Variants in RIPK1 observed in about 807,000 individuals in gnomAD.
The protein encoded by RIPK1 is receptor-interacting serine/threonine-protein kinase 1.
Under a neutral mutation model 62.4 loss-of-function variants are expected in RIPK1, and 27 were observed. That is an observed-to-expected ratio of 0.43 (90% confidence interval 0.32 to 0.60). RIPK1 has a LOEUF of 0.60. Among genes scored for constraint, RIPK1 ranks in the 20% least tolerant of loss-of-function variants. The pLI is 0.07. For synonymous variants in RIPK1, 287 were observed against 303.2 expected (o/e 0.95, Z 0.55); for missense variants, 735 against 831.0 (o/e 0.88, Z 1.42).
At chr6:3,094,102 A>G (rs546993121) in intron 7 of RIPK1, among the ~76,000 whole-genome samples, 1 of 138,950 alleles carries the variant, frequency 7.2e-6, no homozygotes, top group South Asian at 2.2e-4. Flanking sequence ...GCACCTAGTA[A>G]CTGCAGAGTA....
intron 5 of RIPK1, among the ~76,000 whole-genome samples, chr6:3,084,900 C>T (rs563865948): frequency 3.2e-4 from 49 of 152,224 alleles, no homozygotes; most frequent in African/African-American, 1.1e-3. Flanking sequence ...CCTCAGCCTT[C>T]TTGAATAGCA....
In RIPK1 at chr6:3,105,448, G is replaced by A; in HGVS notation, c.1007-34G>A. The A allele has an allele frequency of 7.0e-7, 1 of 1,437,794 alleles. No individual in the cohort carries two copies. 89.1% of individuals were successfully genotyped at this position (1,437,794 alleles called of 1,614,324 possible). The stretch of plus-strand genomic sequence containing the variant: ...TTTATTTTACTTTTTAATGTTTCAT[G>A]ACACCCATTCTAATGTTGATCATTT... On this transcript the variant is annotated intron_variant, in intron 8 of 10. Transcript: ENST00000259808. This position sits in a 1 kb window ranked among gnomAD's most constrained non-coding sequence, Gnocchi z 4.5.
rs993567545 is a variant in RIPK1, at chr6:3,105,678, G to C, written c.1203G>C (p.Gln401His). The part of the protein sequence containing the change: ...MDRQTKQQPR[Q>H]NVAYNREEER... ...GGCAGACGAAACAGCAGCCCAGACAGAATGTGGCTTACAACAGAGAGGAGG... is the reference window on the plus strand; with the variant it reads ...GGCAGACGAAACAGCAGCCCAGACACAATGTGGCTTACAACAGAGAGGAGG... The change falls in exon 9 of 11, where the codon CAG becomes CAC. Residue 401 changes from glutamine to histidine, a missense_variant. Physicochemically the swap from Gln to His is conservative, Grantham distance 24 (BLOSUM62 0). Around this residue, in one of 2 missense-constraint regions of RIPK1, gnomAD observed 671 missense variants for 726.2 expected, o/e 0.92. Coordinates refer to ENST00000259808, the MANE Select transcript of RIPK1 (RefSeq NM_001354930.2). This position sits in a 1 kb window ranked among gnomAD's most constrained non-coding sequence, Gnocchi z 4.5. 2 of 1,613,998 alleles carry C rather than the reference G, an allele frequency of 1.2e-6. No individual in the cohort carries two copies. Among genetic ancestry groups the C allele is most frequent in the African/African-American group, 1.3e-5 (1 of 74,938 alleles).
rs150423241 is a variant in RIPK1 at position 3,100,591 on chromosome 6, G to A, written c.916-3634G>A. ...TTCTGCATTGTTTGAATCTTTGGGG[G>A]TTTTTTTGGTTTTCTTTTTGAGACG... On this transcript the variant is annotated intron_variant, in intron 7 of 10. Transcript: ENST00000259808. 3.9e-5 allele frequency among the ~76,000 whole-genome samples: 6 copies of A among 151,916 alleles called. No individual in the cohort carries two copies. The East Asian group carries it at 1.2e-3, about 29-fold the overall frequency.
upstream of RIPK1, among the ~76,000 whole-genome samples, chr6:3,064,548 TCTGCAGAGCCAGGCTCAGCGCTCGC>T (rs1288080333): frequency 1.3e-5 from 2 of 152,124 alleles, no homozygotes; most frequent in Non-Finnish European, 2.9e-5. Context: ...GGACTGAGAA[TCTGCAGAGCCAGGCTCAGCGCTCGC>T]CTGCAGAGCC....
intron 3 of RIPK1, among the ~76,000 whole-genome samples, chr6:3,078,922 T>C (rs56332947): frequency 2.0e-5 from 3 of 151,674 alleles, no homozygotes; most frequent in African/African-American, 7.3e-5. Context: ...TTTTTTTTTC[T>C]TTTGTAAGAG....
chr6:3,082,389 G>A (rs1759440466), intron 4 of RIPK1, among the ~76,000 whole-genome samples: 1 of 152,300 alleles, frequency 6.6e-6, no homozygotes, highest in South Asian at 2.1e-4. Flanking sequence ...TGGATTCCTG[G>A]AGGCAGAAGT....
upstream of RIPK1, among the ~76,000 whole-genome samples, chr6:3,067,470 T>G (rs1758433423): frequency 6.6e-6 from 1 of 152,230 alleles, no homozygotes. Flanking sequence ...TTTTTTAAAT[T>G]GCAATTCTTT....
chr6:3,076,843 T>G lies in RIPK1; in HGVS notation c.20T>G (p.Leu7Trp), dbSNP rs2113575083. 6.2e-7 allele frequency: 1 copy of G among 1,613,316 alleles called. No homozygotes were observed. Among genetic ancestry groups the G allele is most frequent in the Non-Finnish European group, 8.5e-7 (1 of 1,179,792 alleles). The change falls in exon 2 of 11, where the codon TTG becomes TGG. Residue 7 changes from leucine to tryptophan, a missense_variant. Leu to Trp is a moderately conservative substitution (Grantham distance 61, BLOSUM62 -2). Around this residue, in one of 2 missense-constraint regions of RIPK1, gnomAD observed 671 missense variants for 726.2 expected, o/e 0.92. Transcript: ENST00000259808. MQPDMS[L>W]NVIKMKSSDF... ...TTCAGAATGCAACCAGACATGTCCT[T>G]GAATGTCATTAAGATGAAATCCAGT...
At chr6:3,109,158 C>T (rs1761026517) in intron 9 of RIPK1, among the ~76,000 whole-genome samples, 1 of 152,088 alleles carries the variant, frequency 6.6e-6, no homozygotes, top group African/African-American at 2.4e-5. Context: ...TGGTCGCTGC[C>T]CTTGGGACTC....
chr6:3,073,243 A>G (rs895724896), intron 1 of RIPK1, among the ~76,000 whole-genome samples: 1 of 124,952 alleles, frequency 8.0e-6, no homozygotes, highest in Non-Finnish European at 1.7e-5. Flanking sequence ...ACATTTTTAT[A>G]TCATATATTA....
chr6:3,075,194 G>T (rs1481540654), intron 1 of RIPK1, among the ~76,000 whole-genome samples: 4 of 152,188 alleles, frequency 2.6e-5, no homozygotes, highest in Admixed American at 1.3e-4. Context: ...GAGAGGTCTG[G>T]TTGCTTCACA....
intron 9 of RIPK1, among the ~76,000 whole-genome samples, chr6:3,108,011 T>C (rs1311064707): frequency 1.3e-5 from 2 of 151,710 alleles, no homozygotes; most frequent in Non-Finnish European, 2.9e-5. Flanking sequence ...ATAAGTCTTC[T>C]GCTTGCTTTT....
chr6:3,109,643 T>A (rs1761050979), intron 9 of RIPK1, among the ~76,000 whole-genome samples: 1 of 152,196 alleles, frequency 6.6e-6, no homozygotes, highest in Non-Finnish European at 1.5e-5. Flanking sequence ...ATGGTAAAAT[T>A]CAAAAACATA....
chr6:3,105,407 A>C lies in RIPK1; in HGVS notation c.1007-75A>C. 8.5e-7 allele frequency: 1 copy of C among 1,182,198 alleles called. No individual in the cohort carries two copies. 73.2% of individuals were successfully genotyped at this position (1,182,198 alleles called of 1,614,324 possible). A position where few individuals can be genotyped will look rare whatever the true frequency, so the allele number is the denominator to read the frequency against. On this transcript the variant is annotated intron_variant, in intron 8 of 10. Coordinates refer to ENST00000259808, the MANE Select transcript of RIPK1 (RefSeq NM_001354930.2). This position sits in a 1 kb window ranked among gnomAD's most constrained non-coding sequence, Gnocchi z 4.5. Reference sequence around the variant, plus strand: ...GTGTGTTACTTTGAGATACAGATTCATGACGGCGCTCAGATTTTATTTTAC... The same window carrying C: ...GTGTGTTACTTTGAGATACAGATTCCTGACGGCGCTCAGATTTTATTTTAC...
At chr6:3,085,743 C>T (rs543210183) in intron 6 of RIPK1, among the ~76,000 whole-genome samples, 1 of 152,302 alleles carries the variant, frequency 6.6e-6, no homozygotes, top group Non-Finnish European at 1.5e-5. Flanking sequence ...ATTCACTTTC[C>T]ATCGTCTCTC....
chr6:3,110,813 A>G lies in RIPK1; in HGVS notation c.1587A>G (p.Ile529Met). The change falls in exon 10 of 11, where the codon ATA becomes ATG. Residue 529 changes from isoleucine to methionine, a missense_variant. By Grantham distance (10) the Ile-to-Met change is conservative. Coordinates refer to ENST00000259808, the MANE Select transcript of RIPK1 (RefSeq NM_001354930.2). ...FSSLPPTDES[I>M]KYTIYNSTGI... ...TTTCTCTCTATGCAGATGAATCTAT[A>G]AAATATACCATATACAATAGTACTG... 10 of 1,573,312 alleles carry G rather than the reference A, an allele frequency of 6.4e-6. No homozygotes were observed. The highest frequency in any genetic ancestry group is 1.4e-5 in the African/African-American group (1 of 73,818).
At chr6:3,086,045 A>T (rs982868965) in intron 6 of RIPK1, among the ~76,000 whole-genome samples, 1 of 151,852 alleles carries the variant, frequency 6.6e-6, no homozygotes, top group Non-Finnish European at 1.5e-5. Flanking sequence ...CACTTCTTTT[A>T]TTTCCATCCC....
Position 3,105,536 on chromosome 6 carries a change from T to G in RIPK1, c.1061T>G (p.Val354Gly). The G allele has an allele frequency of 1.2e-6, 2 of 1,603,004 alleles. No individual in the cohort carries two copies. The highest frequency in any genetic ancestry group is 8.5e-7 in the Non-Finnish European group (1 of 1,174,792). Reference sequence around the variant, plus strand: ...TCCCAGGGACTTGGGATGGGTCCTGTGGAGGAGTCCTGGTTTGCTCCTTCC... The same window carrying G: ...TCCCAGGGACTTGGGATGGGTCCTGGGGAGGAGTCCTGGTTTGCTCCTTCC... The part of the protein sequence containing the change: ...HSSQGLGMGP[V>G]EESWFAPSLE... Residue 354 changes from valine to glycine, a missense_variant, in exon 9 of 11, where the codon GTG (valine) becomes GGG (glycine). Val to Gly is a moderately radical substitution (Grantham distance 109, BLOSUM62 -3). This residue lies in a region of RIPK1 where 671 missense variants were observed against 726.2 expected (regional missense o/e 0.92). Coordinates refer to ENST00000259808, the MANE Select transcript of RIPK1 (RefSeq NM_001354930.2). The surrounding 1 kb of genome is among the most constrained non-coding windows in gnomAD (Gnocchi z 4.5).
Sources: allele counts gnomAD v4.1 joint callset (sites outside exome capture counted in the v4.1 genomes callset), GRCh38; gene constraint gnomAD v4.1.1; regional missense constraint gnomAD v4.1.1; non-coding constraint Gnocchi (gnomAD v3.1); transcripts MANE v1.5; gene names NCBI Gene and HGNC (gene_info 2026-07-23, HGNC 2026-07-21).